The following PTPRM variants were observed in gnomAD, a reference collection of about 807,000 sequenced individuals.
PTPRM encodes the protein protein tyrosine phosphatase receptor type M.
PTPRM carries 47 observed loss-of-function variants against 186.7 expected under a neutral mutation model. The observed-to-expected ratio is 0.25, with a 90% confidence interval of 0.20 to 0.32. PTPRM has a LOEUF of 0.32. Ranked by LOEUF, PTPRM falls within the 10% of genes least tolerant of loss-of-function variation. The pLI, the probability that PTPRM is intolerant of heterozygous loss-of-function variation, is 1.00. For synonymous variants in PTPRM, 668 were observed against 674.9 expected (o/e 0.99, Z 0.16); for missense variants, 1,494 against 1,865.0 (o/e 0.80, Z 3.66).
chr18:7,957,314 A>G (rs981317641), intron 7 of PTPRM, among the ~76,000 whole-genome samples: 1 of 152,160 alleles, frequency 6.6e-6, no homozygotes, highest in Non-Finnish European at 1.5e-5. Flanking sequence ...ATGCTGCTGC[A>G]TAATGTGTAA....
chr18:7,841,373 G>A (rs933287235), intron 2 of PTPRM, among the ~76,000 whole-genome samples: 1 of 134,158 alleles, frequency 7.5e-6, no homozygotes, highest in East Asian at 2.4e-4. Context: ...CTTACTGCAA[G>A]CTCCGCCTCC....
chr18:8,229,347 T>G (rs1291402163), intron 14 of PTPRM, among the ~76,000 whole-genome samples: 1 of 152,158 alleles, frequency 6.6e-6, no homozygotes, highest in Non-Finnish European at 1.5e-5. Flanking sequence ...AGGATAATGC[T>G]TACTAACCAG....
At chr18:8,078,346 G>A (rs1273063271) in intron 9 of PTPRM, among the ~76,000 whole-genome samples, 1 of 152,180 alleles carries the variant, frequency 6.6e-6, no homozygotes, top group Non-Finnish European at 1.5e-5. Flanking sequence ...TGTTGACCCA[G>A]ATTCAGTACC....
At chr18:8,157,728 G>A (rs1365183483) in intron 14 of PTPRM, among the ~76,000 whole-genome samples, 1 of 152,140 alleles carries the variant, frequency 6.6e-6, no homozygotes, top group Non-Finnish European at 1.5e-5. Flanking sequence ...AAAGGTCCTG[G>A]GGCATCAATA....
chr18:8,056,500 T>A (rs962761399), intron 7 of PTPRM, among the ~76,000 whole-genome samples: 6 of 152,002 alleles, frequency 3.9e-5, no homozygotes, highest in African/African-American at 1.4e-4. Context: ...CAAACACCTG[T>A]TTTCCCTGCT....
intron 1 of PTPRM, among the ~76,000 whole-genome samples, chr18:7,701,177 G>C (rs2039957155): frequency 6.6e-6 from 1 of 151,420 alleles, no homozygotes; most frequent in African/African-American, 2.4e-5. Flanking sequence ...GGTGGCATGT[G>C]CCTGTAGTCC....
chr18:8,145,838 G>T (rs1308246841), intron 14 of PTPRM, among the ~76,000 whole-genome samples: 2 of 152,206 alleles, frequency 1.3e-5, no homozygotes, highest in East Asian at 3.9e-4. Flanking sequence ...AATCCTTTGG[G>T]TATATTCCCA....
intron 23 of PTPRM, among the ~76,000 whole-genome samples, chr18:8,362,827 A>T (rs1312863090): frequency 6.6e-6 from 1 of 152,222 alleles, no homozygotes; most frequent in African/African-American, 2.4e-5. Context: ...TATTCATAAC[A>T]ACTCTCTTAG....
At chr18:7,587,829 G>A (rs543690996) in intron 1 of PTPRM, among the ~76,000 whole-genome samples, 12 of 152,130 alleles carry the variant, frequency 7.9e-5, no homozygotes, top group East Asian at 5.8e-4. Flanking sequence ...TGATTCCATC[G>A]CAAAGCAGTT....
chr18:7,838,687 C>G (rs1479976119), intron 2 of PTPRM, among the ~76,000 whole-genome samples: 2 of 152,222 alleles, frequency 1.3e-5, no homozygotes, highest in Non-Finnish European at 2.9e-5. Flanking sequence ...TAATTTCACT[C>G]AAGGCCTTGG....
intron 2 of PTPRM, among the ~76,000 whole-genome samples, chr18:7,850,346 A>G (rs1314136917): frequency 2.0e-5 from 3 of 152,242 alleles, no homozygotes; most frequent in Non-Finnish European, 4.4e-5. Context: ...TTTAGAACAA[A>G]TAGAAAATCT....
At chr18:7,829,747 A>T (rs145770119) in intron 2 of PTPRM, among the ~76,000 whole-genome samples, 172 of 152,316 alleles carry the variant, frequency 1.1e-3, no homozygotes, top group African/African-American at 3.8e-3. Flanking sequence ...TTTCTATTTT[A>T]GCAGAAATGA....
chr18:8,277,000 C>T (rs1053313059), intron 19 of PTPRM, among the ~76,000 whole-genome samples: 2 of 151,360 alleles, frequency 1.3e-5, no homozygotes, highest in South Asian at 2.1e-4. Context: ...AGTTCAGTGA[C>T]GCAGAGTTTC....
At chr18:7,610,194 TGAC>T (rs1241778643) in intron 1 of PTPRM, among the ~76,000 whole-genome samples, 1 of 151,728 alleles carries the variant, frequency 6.6e-6, no homozygotes, top group Non-Finnish European at 1.5e-5. Context: ...TAGGGCAAAC[TGAC>T]AAGAACAACT....
At chr18:8,342,829 G>A (rs1319831181) in intron 22 of PTPRM, among the ~76,000 whole-genome samples, 2 of 152,134 alleles carry the variant, frequency 1.3e-5, no homozygotes, top group Non-Finnish European at 2.9e-5. Context: ...AAGAGCTAAG[G>A]AAGTAGATGG....
intron 1 of PTPRM, among the ~76,000 whole-genome samples, chr18:7,705,640 C>T (rs561701615): frequency 2.6e-5 from 4 of 151,892 alleles, no homozygotes; most frequent in South Asian, 2.1e-4. Context: ...TGTGTTGGTT[C>T]ATAGTTTTTT....
intron 1 of PTPRM, among the ~76,000 whole-genome samples, chr18:7,701,132 C>T (rs1053060639): frequency 2.0e-5 from 3 of 151,416 alleles, no homozygotes; most frequent in African/African-American, 7.3e-5. Flanking sequence ...GGTGAAACCC[C>T]GTTTCTACTA....
chr18:7,770,686 C>A (rs972702827), intron 1 of PTPRM, among the ~76,000 whole-genome samples: 13 of 152,222 alleles, frequency 8.5e-5, no homozygotes, highest in African/African-American at 3.1e-4. Flanking sequence ...GTGTGTTTGA[C>A]TCAGAACCTA....
rs1178603481 is a variant in PTPRM at position 8,125,976 on chromosome 18, CATATATAT to C, written c.2167+11194_2167+11201del. ...GGAGAATGCTATATGTGTGTGTATA[CATATATAT>C]ATATATATATATATATATATATATA... On this transcript the variant is annotated intron_variant, in intron 13 of 32. Coordinates refer to ENST00000580170, the MANE Select transcript of PTPRM (RefSeq NM_001105244.2). 3.0e-3 allele frequency among the ~76,000 whole-genome samples: 180 copies of C among 59,698 alleles called. 4 individuals carry two copies. Among genetic ancestry groups the C allele is most frequent in the South Asian group, 0.014 (16 of 1,174 alleles). The allele number at this position is 59,698 out of a possible 152,430, so 39.2% of individuals were successfully genotyped here.
Sources: gnomAD v4.1 joint callset for allele counts (sites outside exome capture counted in the v4.1 genomes callset) on GRCh38, gnomAD v4.1.1 for gene constraint, MANE v1.5 for transcripts, NCBI Gene and HGNC (gene_info 2026-07-23, HGNC 2026-07-21) for gene names.